The following FMN1 variants were observed in gnomAD, a reference collection of about 807,000 sequenced individuals.
FMN1 encodes the protein formin-1.
Under a neutral mutation model 132.4 loss-of-function variants are expected in FMN1, and 110 were observed. That is an observed-to-expected ratio of 0.83 (90% CI 0.71 to 0.97). The LOEUF (loss-of-function observed/expected upper bound fraction) is 0.97, where lower values mean the gene tolerates loss of function less well. FMN1 is among the 50% of genes least tolerant of loss of function. The pLI is 0.00. For synonymous variants in FMN1, 722 were observed against 651.7 expected, an observed-to-expected ratio of 1.11 and a Z score of -1.64; for missense variants, 1,792 against 1,705.3, an observed-to-expected ratio of 1.05 and a Z score of -0.90.
At chr15:33,054,102 T>C (rs900198119) in intron 6 of FMN1, among the ~76,000 whole-genome samples, 3 of 152,150 alleles carry the variant, frequency 2.0e-5, no homozygotes, top group South Asian at 2.1e-4. Flanking sequence ...TGAAACTTTC[T>C]AGGGGCCTTA....
intron 16 of FMN1, among the ~76,000 whole-genome samples, chr15:32,874,801 T>C (rs17228887): frequency 0.54 from 82,711 of 152,060 alleles, 22,836 homozygotes; most frequent in African/African-American, 0.61. Context: ...AACAAATTAA[T>C]TGATTGAAAA....
intron 5 of FMN1, among the ~76,000 whole-genome samples, chr15:33,084,660 G>GT (rs2038619555): frequency 1.3e-5 from 2 of 152,146 alleles, no homozygotes; most frequent in Non-Finnish European, 2.9e-5. Flanking sequence ...CATTTAGTTT[G>GT]TTAAATAGAT....
At chr15:32,849,131 T>C (rs909026647) in intron 17 of FMN1, among the ~76,000 whole-genome samples, 1 of 149,536 alleles carries the variant, frequency 6.7e-6, no homozygotes, top group Non-Finnish European at 1.5e-5. Context: ...CTACAGGCGC[T>C]TGTCACCACG....
intron 4 of FMN1, among the ~76,000 whole-genome samples, chr15:33,100,001 T>C (rs1335001337): frequency 6.6e-6 from 1 of 152,156 alleles, no homozygotes; most frequent in African/African-American, 2.4e-5. Flanking sequence ...CATTGCAACT[T>C]TGGGCTTGGT....
At chr15:32,885,764 A>G (rs1460362689) in intron 16 of FMN1, among the ~76,000 whole-genome samples, 1 of 152,044 alleles carries the variant, frequency 6.6e-6, no homozygotes, top group African/African-American at 2.4e-5. Flanking sequence ...ATGACCAATA[A>G]CCATAGGTTA....
intron 17 of FMN1, among the ~76,000 whole-genome samples, chr15:32,805,498 T>C (rs2057648001): frequency 6.6e-6 from 1 of 152,220 alleles, no homozygotes; most frequent in African/African-American, 2.4e-5. Context: ...AGAAGCTCTT[T>C]AGTTTAATTA....
At chr15:32,831,493 G>A (rs1210129996) in intron 17 of FMN1, among the ~76,000 whole-genome samples, 1 of 152,172 alleles carries the variant, frequency 6.6e-6, no homozygotes, top group Non-Finnish European at 1.5e-5. Flanking sequence ...GGGAAGTGGA[G>A]CTGGCAGTCC....
chr15:32,812,315 A>G (rs748990096), intron 17 of FMN1, among the ~76,000 whole-genome samples: 11 of 152,172 alleles, frequency 7.2e-5, no homozygotes, highest in Non-Finnish European at 1.5e-4. Flanking sequence ...GACTTATAAT[A>G]TTAAGTCATT....
intron 4 of FMN1, among the ~76,000 whole-genome samples, chr15:33,132,480 A>G (rs16965420): frequency 1.3e-5 from 2 of 152,128 alleles, no homozygotes; most frequent in Non-Finnish European, 2.9e-5. Flanking sequence ...AGCCCACATC[A>G]TGTCATTTGG....
chr15:32,801,894 G>A (rs574073330), intron 18 of FMN1, among the ~76,000 whole-genome samples: 2 of 152,214 alleles, frequency 1.3e-5, no homozygotes, highest in African/African-American at 2.4e-5. Context: ...AACCTGCAAT[G>A]GTTTGATAAG....
chr15:32,951,422 G>A (rs907793783), intron 9 of FMN1, among the ~76,000 whole-genome samples: 30 of 62,916 alleles, frequency 4.8e-4, no homozygotes, highest in African/African-American at 1.5e-3. Context: ...GCGCCCCAGT[G>A]GGACACACAC....
intron 6 of FMN1, among the ~76,000 whole-genome samples, chr15:33,010,075 G>T (rs1326851852): frequency 6.6e-6 from 1 of 152,042 alleles, no homozygotes; most frequent in Non-Finnish European, 1.5e-5. Flanking sequence ...GTAGAGACAG[G>T]GTTTTACTAT....
chr15:33,098,290 G>A (rs1358834034), intron 4 of FMN1, among the ~76,000 whole-genome samples: 2 of 152,146 alleles, frequency 1.3e-5, no homozygotes, highest in African/African-American at 2.4e-5. Flanking sequence ...TTTCTCCTCC[G>A]GACTGGGGGA....
intron 4 of FMN1, among the ~76,000 whole-genome samples, chr15:33,115,502 C>T (rs75004099): frequency 6.8e-6 from 1 of 146,612 alleles, no homozygotes; most frequent in Non-Finnish European, 1.5e-5. Flanking sequence ...CCCCCCCCCC[C>T]CACACACACA....
intron 3 of FMN1, among the ~76,000 whole-genome samples, chr15:33,156,498 C>G (rs1231258872): frequency 1.3e-5 from 2 of 151,612 alleles, no homozygotes; most frequent in Non-Finnish European, 2.9e-5. Context: ...CCATGTTTCC[C>G]AGGGTGGTCT....
rs758675076 is a variant in FMN1, at chr15:32,772,480, T to G, written c.*1830A>C. 6.6e-6 allele frequency: 1 copy of G among 152,232 alleles called. No homozygotes were observed. The highest frequency in any genetic ancestry group is 1.5e-5 in the Non-Finnish European group (1 of 68,046). The allele number at this position is 152,232 out of a possible 1,614,324, so 9.4% of individuals were successfully genotyped here. ...GTTTTTAATTGATCCGTTCTTTTGG[T>G]TGTCTTCAGAGTTAAGTGAAAATGA... On this transcript the variant is annotated 3_prime_UTR_variant, in exon 21 of 21. Coordinates refer to ENST00000616417, the MANE Select transcript of FMN1 (RefSeq NM_001277313.2).
chr15:32,980,878 G>C (rs529216329), intron 7 of FMN1, among the ~76,000 whole-genome samples: 7 of 152,172 alleles, frequency 4.6e-5, no homozygotes, highest in Admixed American at 1.3e-4. Context: ...GCCGGGCGTG[G>C]TGATGCGTGC....
intron 5 of FMN1, chr15:33,066,417 A>G (rs1194704165): frequency 9.5e-7 from 1 of 1,051,968 alleles, no homozygotes; most frequent in East Asian, 2.6e-5. Flanking sequence ...AAGAATCACT[A>G]ACAGGCAACT....
intron 6 of FMN1, among the ~76,000 whole-genome samples, chr15:33,050,135 C>T (rs368052006): frequency 6.6e-6 from 1 of 152,192 alleles, no homozygotes; most frequent in South Asian, 2.1e-4. Flanking sequence ...TTAAGGTAGG[C>T]TTGGCTAAGG....
Sources: gnomAD v4.1 joint callset for allele counts (sites outside exome capture counted in the v4.1 genomes callset) on GRCh38, gnomAD v4.1.1 for gene constraint, MANE v1.5 for transcripts, NCBI Gene and HGNC (gene_info 2026-07-23, HGNC 2026-07-21) for gene names.